The following CTNNA3 variants were observed in gnomAD, a reference collection of about 807,000 sequenced individuals.
CTNNA3 encodes catenin alpha 3.
In CTNNA3, 76 loss-of-function variants were observed where a neutral mutation model predicts 95.7. That is an observed-to-expected ratio of 0.79 (90% CI 0.66 to 0.96). CTNNA3 has a LOEUF of 0.96. Ranked by LOEUF, CTNNA3 falls within the 40% of genes least tolerant of loss-of-function variation. The pLI, the probability that CTNNA3 is intolerant of heterozygous loss-of-function variation, is 0.00. For synonymous variants in CTNNA3, 431 were observed against 374.4 expected, an observed-to-expected ratio of 1.15 and a Z score of -1.74; for missense variants, 1,191 against 1,089.8, an observed-to-expected ratio of 1.09 and a Z score of -1.31.
At chr10:66,252,556 T>C (rs896797619) in intron 13 of CTNNA3, among the ~76,000 whole-genome samples, 16 of 152,338 alleles carry the variant, frequency 1.1e-4, no homozygotes, top group African/African-American at 3.4e-4. Context: ...ATAAACATTG[T>C]AATCAATGCT....
intron 7 of CTNNA3, among the ~76,000 whole-genome samples, chr10:67,086,915 T>G (rs892729343): frequency 2.0e-5 from 3 of 151,884 alleles, no homozygotes; most frequent in Admixed American, 6.6e-5. Flanking sequence ...TATAAGACCC[T>G]CCAGTGGACT....
At chr10:66,740,020 G>T (rs1364970258) in intron 9 of CTNNA3, among the ~76,000 whole-genome samples, 1 of 152,182 alleles carries the variant, frequency 6.6e-6, no homozygotes, top group East Asian at 1.9e-4. Context: ...TTTGTTCCTG[G>T]CTGGCCAGAT....
intron 7 of CTNNA3, among the ~76,000 whole-genome samples, chr10:66,816,748 C>A (rs1027082310): frequency 2.4e-4 from 36 of 152,022 alleles, no homozygotes; most frequent in African/African-American, 8.7e-4. Flanking sequence ...TCACATGAAA[C>A]ATTCTCCAGA....
chr10:67,469,255 C>T (rs185914776), intron 5 of CTNNA3, among the ~76,000 whole-genome samples: 6 of 152,172 alleles, frequency 3.9e-5, no homozygotes, highest in South Asian at 2.1e-4. Context: ...GATTTTTCTC[C>T]GTACTTTCAA....
chr10:67,231,314 G>T (rs112336732), intron 5 of CTNNA3, among the ~76,000 whole-genome samples: 3,303 of 152,296 alleles, frequency 0.022, 57 homozygotes, highest in Non-Finnish European at 0.033. Context: ...CTCCCAGCAC[G>T]CAGCTGGAGA....
intron 17 of CTNNA3, among the ~76,000 whole-genome samples, chr10:65,952,072 A>G (rs1589165423): frequency 6.6e-6 from 1 of 150,514 alleles, no homozygotes; most frequent in East Asian, 2.0e-4. Context: ...TTCATTGTTT[A>G]TAAAATGAAT....
chr10:66,651,689 C>T (rs1265169063), intron 9 of CTNNA3, among the ~76,000 whole-genome samples: 3 of 152,130 alleles, frequency 2.0e-5, no homozygotes, highest in African/African-American at 7.2e-5. Context: ...AGCGCACCCT[C>T]TGCACCTGCT....
intron 7 of CTNNA3, among the ~76,000 whole-genome samples, chr10:67,091,176 C>T (rs1295778588): frequency 6.6e-6 from 1 of 151,800 alleles, no homozygotes; most frequent in Non-Finnish European, 1.5e-5. Context: ...ATTGCGCATA[C>T]CTTAGCAAAA....
rs181682992 is a variant in CTNNA3 at position 67,515,330 on chromosome 10, C to A, written c.579+6512G>T. 5.3e-5 allele frequency among the ~76,000 whole-genome samples: 8 copies of A among 152,278 alleles called. No homozygotes were observed. In the East Asian group the frequency reaches 1.5e-3, roughly 29 times the overall value. ...ATTAATTCTGAATTTGTTACTGACTCAGGATGACCTTGCATGATGCATCCA... is the reference window on the plus strand; with the variant it reads ...ATTAATTCTGAATTTGTTACTGACTAAGGATGACCTTGCATGATGCATCCA... On this transcript the variant is annotated intron_variant, in intron 5 of 17. Coordinates refer to ENST00000433211, the MANE Select transcript of CTNNA3 (RefSeq NM_013266.4).
chr10:66,208,257 A>G (rs1467883471), intron 13 of CTNNA3, among the ~76,000 whole-genome samples: 6 of 152,078 alleles, frequency 3.9e-5, no homozygotes, highest in African/African-American at 1.4e-4. Context: ...AGCTACTCAA[A>G]CAAGGGAAAG....
At chr10:67,562,097 C>A (rs551501755) in intron 3 of CTNNA3, among the ~76,000 whole-genome samples, 1 of 152,094 alleles carries the variant, frequency 6.6e-6, no homozygotes, top group South Asian at 2.1e-4. Flanking sequence ...TGAAACTATT[C>A]CAATCAATAG....
At chr10:66,144,078 T>C (rs552560694) in intron 13 of CTNNA3, among the ~76,000 whole-genome samples, 2 of 152,322 alleles carry the variant, frequency 1.3e-5, no homozygotes, top group Admixed American at 1.3e-4. Flanking sequence ...GCTAAGACAA[T>C]TTATTTTTGT....
intron 7 of CTNNA3, among the ~76,000 whole-genome samples, chr10:67,107,513 C>A (rs1430918099): frequency 6.6e-6 from 1 of 152,166 alleles, no homozygotes; most frequent in African/African-American, 2.4e-5. Context: ...CATCCTCCAA[C>A]AAAATACTGT....
intron 1 of CTNNA3, among the ~76,000 whole-genome samples, chr10:67,686,225 G>C (rs1000875197): frequency 1.3e-5 from 2 of 152,224 alleles, no homozygotes; most frequent in African/African-American, 4.8e-5. Flanking sequence ...GCTTGGGTAA[G>C]TGCCACTAGT....
At chr10:65,974,060 G>A (rs1046750924) in intron 16 of CTNNA3, among the ~76,000 whole-genome samples, 2 of 152,138 alleles carry the variant, frequency 1.3e-5, no homozygotes, top group African/African-American at 2.4e-5. Flanking sequence ...ACACCAGTCA[G>A]AATGGCTATT....
intron 12 of CTNNA3, among the ~76,000 whole-genome samples, chr10:66,303,172 T>G (rs991738846): frequency 6.6e-6 from 1 of 152,142 alleles, no homozygotes; most frequent in African/African-American, 2.4e-5. Flanking sequence ...CTAACAACAC[T>G]TCTCTTTAGC....
intron 11 of CTNNA3, among the ~76,000 whole-genome samples, chr10:66,414,612 G>C (rs73307440): frequency 0.016 from 2,420 of 152,242 alleles, 65 homozygotes; most frequent in African/African-American, 0.056. Context: ...CACATTCCTT[G>C]TGACCTAAGC....
intron 15 of CTNNA3, among the ~76,000 whole-genome samples, chr10:66,038,882 A>C (rs2079622131): frequency 6.6e-6 from 1 of 152,186 alleles, no homozygotes; most frequent in African/African-American, 2.4e-5. Context: ...ATAGAATTGA[A>C]AATCTTAGTC....
intron 14 of CTNNA3, among the ~76,000 whole-genome samples, chr10:66,083,790 T>C (rs2080862841): frequency 6.6e-6 from 1 of 152,112 alleles, no homozygotes. Context: ...GCCAGGGTTT[T>C]CTTATTATGG....
Sources: gnomAD v4.1 joint callset for allele counts (sites outside exome capture counted in the v4.1 genomes callset) on GRCh38, gnomAD v4.1.1 for gene constraint, MANE v1.5 for transcripts, NCBI Gene and HGNC (gene_info 2026-07-23, HGNC 2026-07-21) for gene names.